Variants in SIPA1L1 observed in about 807,000 individuals in gnomAD.
SIPA1L1 encodes the protein signal induced proliferation associated 1 like 1, also known as signal-induced proliferation-associated 1-like protein 1.
In SIPA1L1, 26 loss-of-function variants were observed where a neutral mutation model predicts 162.7. The ratio of observed to expected loss-of-function variants is 0.16; its 90% CI spans 0.12 to 0.22. SIPA1L1 has a LOEUF of 0.22. Among genes scored for constraint, SIPA1L1 ranks in the 10% least tolerant of loss-of-function variants. The probability of loss-of-function intolerance (pLI) is 1.00; values close to 1 mark genes in which losing one functional copy is unlikely to be tolerated. For missense variants in SIPA1L1, 1,874 were observed against 2,241.0 expected, an observed-to-expected ratio of 0.84 and a Z score of 3.31; for synonymous variants, 829 against 837.4, an observed-to-expected ratio of 0.99 and a Z score of 0.17.
intron 3 of SIPA1L1, among the ~76,000 whole-genome samples, chr14:71,521,492 G>C (rs1231153273): frequency 6.6e-6 from 1 of 152,122 alleles, no homozygotes; most frequent in Non-Finnish European, 1.5e-5. Context: ...TGGAATGAAG[G>C]TCTTATGACC....
intron 5 of SIPA1L1, among the ~76,000 whole-genome samples, chr14:71,606,255 G>C (rs2037482519): frequency 6.6e-6 from 1 of 152,142 alleles, no homozygotes; most frequent in African/African-American, 2.4e-5. Context: ...CCACAACAAA[G>C]GCACCTGCAG....
chr14:71,482,400 C>G (rs986330137), intron 2 of SIPA1L1, among the ~76,000 whole-genome samples: 1 of 152,066 alleles, frequency 6.6e-6, no homozygotes, highest in African/African-American at 2.4e-5. Context: ...CTGGGTTTAG[C>G]GATTACCCAA....
intron 2 of SIPA1L1, among the ~76,000 whole-genome samples, chr14:71,352,700 C>T (rs902973105): frequency 6.6e-6 from 1 of 152,134 alleles, no homozygotes; most frequent in Non-Finnish European, 1.5e-5. Context: ...TTAGTGATGC[C>T]ATCTACAGGG....
chr14:71,337,179 A>G lies in SIPA1L1; in HGVS notation c.-465+15998A>G, dbSNP rs188129630. ...TTTGGTCTCTCCATTTTTGGCCTCT[A>G]CCAGACTATGTCTCTGCCTTCCTAT... On this transcript the variant is annotated intron_variant, in intron 2 of 23. Coordinates refer to ENST00000381232, the MANE Select transcript of SIPA1L1 (RefSeq NM_001386936.1). 3.9e-5 allele frequency among the ~76,000 whole-genome samples: 6 copies of G among 152,258 alleles called. No homozygotes were observed. In the East Asian group the frequency reaches 1.2e-3, roughly 29 times the overall value.
chr14:71,477,177 C>G (rs2047937592), intron 2 of SIPA1L1, among the ~76,000 whole-genome samples: 1 of 152,106 alleles, frequency 6.6e-6, no homozygotes, highest in Non-Finnish European at 1.5e-5. Flanking sequence ...AGGAGAGTTG[C>G]TTGAACCTGG....
At chr14:71,552,963 A>G (rs899055600) in intron 4 of SIPA1L1, among the ~76,000 whole-genome samples, 7 of 152,188 alleles carry the variant, frequency 4.6e-5, no homozygotes, top group African/African-American at 1.7e-4. Flanking sequence ...GTGGAATTAC[A>G]TGTTCAGCTG....
chr14:71,694,483 T>G (rs1463972312), intron 13 of SIPA1L1, among the ~76,000 whole-genome samples: 1 of 151,990 alleles, frequency 6.6e-6, no homozygotes, highest in African/African-American at 2.4e-5. Context: ...TTGCGCATTC[T>G]TAGTACAATA....
chr14:71,412,569 T>A (rs931188404), intron 2 of SIPA1L1, among the ~76,000 whole-genome samples: 3 of 152,136 alleles, frequency 2.0e-5, no homozygotes, highest in Non-Finnish European at 2.9e-5. Flanking sequence ...TGGTAAGTCT[T>A]GTTTGAAGTG....
chr14:71,446,906 G>GTTTTTTTTTTTTTTTTTTTTTTTTTT (rs1189940440), intron 2 of SIPA1L1, among the ~76,000 whole-genome samples: 3 of 53,242 alleles, frequency 5.6e-5, no homozygotes, highest in Admixed American at 3.0e-4. Context: ...TTTTTTTTTT[G>GTTTTTTTTTTTTTTTTTTTTTTTTTT]TTTTTTTTTT....
intron 4 of SIPA1L1, among the ~76,000 whole-genome samples, chr14:71,585,183 GA>G (rs1172786629): frequency 2.8e-4 from 39 of 140,258 alleles, no homozygotes; most frequent in African/African-American, 7.9e-4. Context: ...ATGAGAGGGA[GA>G]AAAAAAAAAC....
At chr14:71,382,866 C>G (rs1382565453) in intron 2 of SIPA1L1, among the ~76,000 whole-genome samples, 3 of 152,074 alleles carry the variant, frequency 2.0e-5, no homozygotes, top group Non-Finnish European at 2.9e-5. Flanking sequence ...TCGAGGAAAT[C>G]AGAAGTGACC....
intron 11 of SIPA1L1, among the ~76,000 whole-genome samples, chr14:71,672,106 G>T (rs538822193): frequency 9.2e-5 from 14 of 152,184 alleles, no homozygotes; most frequent in Non-Finnish European, 1.6e-4. Context: ...CCAGCTCCCT[G>T]TAGGTCTCTG....
Position 71,740,832 on chromosome 14 carries a change from T to TA in SIPA1L1, c.*1672dup, listed in dbSNP as rs770106904. 4 of 152,266 alleles carry TA rather than the reference T, an allele frequency of 2.6e-5. No individual in the cohort carries two copies. Among genetic ancestry groups the TA allele is most frequent in the Non-Finnish European group, 5.9e-5 (4 of 68,050 alleles). The allele number at this position is 152,266 out of a possible 1,614,324, so 9.4% of individuals were successfully genotyped here. On this transcript the variant is annotated 3_prime_UTR_variant, in exon 24 of 24. Transcript: ENST00000381232. ...ATGAAGGAGATTGTACATTGCCTGA[T>TA]ATCTCTTTGTAAATGAGAAATATTG...
intron 2 of SIPA1L1, among the ~76,000 whole-genome samples, chr14:71,388,620 C>T (rs535426683): frequency 3.3e-5 from 5 of 152,176 alleles, no homozygotes; most frequent in Non-Finnish European, 5.9e-5. Flanking sequence ...ACTTAGGATC[C>T]GCATGGATAG....
At chr14:71,694,914 G>A (rs2081512624) in intron 13 of SIPA1L1, among the ~76,000 whole-genome samples, 1 of 152,206 alleles carries the variant, frequency 6.6e-6, no homozygotes, top group Non-Finnish European at 1.5e-5. Context: ...GGGTGGGATG[G>A]ACAGAGATCC....
At chr14:71,427,456 A>G (rs998661067) in intron 2 of SIPA1L1, among the ~76,000 whole-genome samples, 2 of 152,170 alleles carry the variant, frequency 1.3e-5, no homozygotes, top group Admixed American at 6.5e-5. Context: ...GCTGCTTTCA[A>G]GATTCTATCT....
intron 5 of SIPA1L1, among the ~76,000 whole-genome samples, chr14:71,601,176 C>CT (rs1456423657): frequency 6.6e-6 from 1 of 152,072 alleles, no homozygotes; most frequent in African/African-American, 2.4e-5. Context: ...TGTTCCAATT[C>CT]TTAGAGGAAA....
chr14:71,727,932 C>T (rs2084391936), intron 19 of SIPA1L1, among the ~76,000 whole-genome samples: 1 of 152,188 alleles, frequency 6.6e-6, no homozygotes, highest in African/African-American at 2.4e-5. Context: ...CCTCCCTTCA[C>T]TGCAGGGTGT....
chr14:71,646,671 A>G (rs2042201373), intron 7 of SIPA1L1, among the ~76,000 whole-genome samples: 1 of 152,180 alleles, frequency 6.6e-6, no homozygotes, highest in Non-Finnish European at 1.5e-5. Flanking sequence ...GTATGTACAA[A>G]CATTTATTGA....
Sources: gnomAD v4.1 joint callset for allele counts (sites outside exome capture counted in the v4.1 genomes callset) on GRCh38, gnomAD v4.1.1 for gene constraint, MANE v1.5 for transcripts, NCBI Gene and HGNC (gene_info 2026-07-23, HGNC 2026-07-21) for gene names.